Variants in RNF38 observed in about 807,000 individuals in gnomAD.
RNF38 encodes E3 ubiquitin-protein ligase RNF38.
RNF38 carries 15 observed loss-of-function variants against 67.2 expected under a neutral mutation model. The ratio of observed to expected loss-of-function variants is 0.22; its 90% CI spans 0.15 to 0.34. RNF38 has a LOEUF of 0.34. RNF38 is among the 10% of genes least tolerant of loss of function. The pLI is 1.00. For synonymous variants in RNF38, 220 were observed against 218.8 expected, an observed-to-expected ratio of 1.01 and a Z score of -0.05; for missense variants, 524 against 639.9, an observed-to-expected ratio of 0.82 and a Z score of 1.95.
intron 2 of RNF38, among the ~76,000 whole-genome samples, chr9:36,420,686 TTC>T (rs1409870390): frequency 6.6e-6 from 1 of 152,134 alleles, no homozygotes; most frequent in East Asian, 1.9e-4. Flanking sequence ...GAGCAAAGAC[TTC>T]TGTTTTCTTC....
At chr9:36,422,088 C>A (rs1838643835) in intron 2 of RNF38, among the ~76,000 whole-genome samples, 1 of 152,008 alleles carries the variant, frequency 6.6e-6, no homozygotes, top group African/African-American at 2.4e-5. Context: ...AAAAATTAGC[C>A]AGGCACGGTG....
chr9:36,466,506 C>T (rs1839865334), intron 1 of RNF38, among the ~76,000 whole-genome samples: 1 of 152,184 alleles, frequency 6.6e-6, no homozygotes, highest in Non-Finnish European at 1.5e-5. Context: ...TTGGTAGTTA[C>T]ACACGTGGGT....
chr9:36,383,678 C>G (rs903347315), intron 2 of RNF38, among the ~76,000 whole-genome samples: 1 of 152,108 alleles, frequency 6.6e-6, no homozygotes, highest in African/African-American at 2.4e-5. Context: ...ATATATTCTC[C>G]TGAAATGTTA....
At position 36,483,828 on chromosome 9, in the gene RNF38, A is replaced by G. The variant is rs1840337753; in HGVS notation, n.241+3480T>C. Among the ~76,000 whole-genome samples the G allele has an allele frequency of 2.0e-5, 3 of 152,182 alleles. No individual in the cohort carries two copies. In the South Asian group the frequency reaches 6.2e-4, roughly 31 times the overall value. On this transcript the variant is annotated intron_variant and non_coding_transcript_variant, in intron 1 of 3. Coordinates refer to the RNF38 transcript ENST00000488058. ...CTTTTTGCCCTTACTTTGAAACCAC[A>G]TACAGTTGACACATGTGTTAAAATC...
chr9:36,354,944 T>C (rs79978547), intron 6 of RNF38, among the ~76,000 whole-genome samples: 1 of 152,358 alleles, frequency 6.6e-6, no homozygotes, highest in East Asian at 1.9e-4. Context: ...AGTCTTGATA[T>C]GGCTATGTGA....
chr9:36,361,029 C>G (rs898515649), intron 4 of RNF38, among the ~76,000 whole-genome samples: 1 of 151,962 alleles, frequency 6.6e-6, no homozygotes, highest in African/African-American at 2.4e-5. Flanking sequence ...GTTGTCCAGG[C>G]TGTTCTCCAA....
chr9:36,353,091 G>A lies in RNF38; in HGVS notation c.1071+79C>T, dbSNP rs1751342184. 1.4e-5 allele frequency: 17 copies of A among 1,220,054 alleles called. No individual in the cohort carries two copies. In the South Asian group the frequency reaches 2.0e-4, roughly 14 times the overall value. 75.6% of individuals were successfully genotyped at this position (1,220,054 alleles called of 1,614,324 possible). On this transcript the variant is annotated intron_variant, in intron 7 of 11. Coordinates refer to ENST00000259605, the MANE Select transcript of RNF38 (RefSeq NM_022781.5). ...GAGAATACATATAATTCTAAATATGGTGAATTATACTAAAACATAACTCAG... is the reference window on the plus strand; with the variant it reads ...GAGAATACATATAATTCTAAATATGATGAATTATACTAAAACATAACTCAG...
intron 2 of RNF38, among the ~76,000 whole-genome samples, chr9:36,385,427 G>A (rs1836540296): frequency 6.7e-6 from 1 of 149,670 alleles, no homozygotes. Context: ...CATCCAGGCT[G>A]GAGTGCAATG....
chr9:36,378,781 A>G (rs1835978912), intron 2 of RNF38, among the ~76,000 whole-genome samples: 1 of 152,226 alleles, frequency 6.6e-6, no homozygotes, highest in Non-Finnish European at 1.5e-5. Context: ...AGAGGTAAGG[A>G]AAGTGGCTGC....
At chr9:36,356,965 A>G (rs2133572050) in intron 5 of RNF38, among the ~76,000 whole-genome samples, 1 of 152,334 alleles carries the variant, frequency 6.6e-6, no homozygotes, top group African/African-American at 2.4e-5. Flanking sequence ...TCTATTACTG[A>G]GAAACTAAGC....
At chr9:36,360,176 A>T (rs1834422081) in intron 4 of RNF38, among the ~76,000 whole-genome samples, 1 of 152,216 alleles carries the variant, frequency 6.6e-6, no homozygotes, top group Non-Finnish European at 1.5e-5. Flanking sequence ...AGTTTTCTTC[A>T]AAAAGATTAT....
intron 1 of RNF38, among the ~76,000 whole-genome samples, chr9:36,443,488 A>G (rs186651749): frequency 6.6e-6 from 1 of 152,358 alleles, no homozygotes; most frequent in East Asian, 1.9e-4. Context: ...TTCTATCTTT[A>G]TATTATTTAT....
At chr9:36,359,338 A>G (rs946315758) in intron 4 of RNF38, among the ~76,000 whole-genome samples, 27 of 151,818 alleles carry the variant, frequency 1.8e-4, no homozygotes, top group African/African-American at 6.3e-4. Flanking sequence ...TGATGAGGTT[A>G]TAAACATATA....
upstream of RNF38, chr9:36,400,949 T>C: frequency 3.1e-6 from 3 of 979,264 alleles, no homozygotes; most frequent in Non-Finnish European, 3.6e-6. Context: ...GCCTCGGCGA[T>C]CACAGACCCG....
chr9:36,476,547 G>T (rs1488618497), intron 1 of RNF38, among the ~76,000 whole-genome samples: 1 of 136,568 alleles, frequency 7.3e-6, no homozygotes, highest in East Asian at 2.1e-4. Flanking sequence ...TTTTGAGATG[G>T]AGTTTAGCTC....
intron 2 of RNF38, chr9:36,424,530 T>G: frequency 2.1e-6 from 1 of 474,042 alleles, no homozygotes; most frequent in African/African-American, 2.1e-5. Flanking sequence ...CTTCTTGCCC[T>G]AGGCCCAGAG....
rs1440333473 is a variant in RNF38 at position 36,400,252 on chromosome 9, C to G, written c.-144G>C. 19 of 1,378,374 alleles carry G rather than the reference C, an allele frequency of 1.4e-5. No homozygotes were observed. The highest frequency in any genetic ancestry group is 1.8e-5 in the Non-Finnish European group (19 of 1,060,768). The allele number at this position is 1,378,374 out of a possible 1,614,324, so 85.4% of individuals were successfully genotyped here. On this transcript the variant is annotated 5_prime_UTR_variant, in exon 1 of 12. Coordinates refer to ENST00000259605, the MANE Select transcript of RNF38 (RefSeq NM_022781.5). ...AACAAAACGCAGCCTATCCAGAAAC[C>G]CACGGAAGCAGAAGGACGCCAGAGA...
chr9:36,480,499 C>T (rs1840225869), intron 1 of RNF38, among the ~76,000 whole-genome samples: 1 of 151,702 alleles, frequency 6.6e-6, no homozygotes, highest in South Asian at 2.1e-4. Flanking sequence ...TACAAATTGT[C>T]CTACTACCTA....
chr9:36,348,853 A>G (rs1833495291), intron 9 of RNF38, among the ~76,000 whole-genome samples: 1 of 152,252 alleles, frequency 6.6e-6, no homozygotes, highest in Non-Finnish European at 1.5e-5. Flanking sequence ...ACACTAAACA[A>G]TGGATTTTCA....
Sources: allele counts gnomAD v4.1 joint callset (sites outside exome capture counted in the v4.1 genomes callset), GRCh38; gene constraint gnomAD v4.1.1; transcripts MANE v1.5; gene names NCBI Gene and HGNC (gene_info 2026-07-23, HGNC 2026-07-21).